Variants in CABYR observed in about 807,000 individuals in gnomAD.
CABYR encodes the protein calcium-binding tyrosine phosphorylation-regulated protein.
CABYR carries 31 observed loss-of-function variants against 36.1 expected under a neutral mutation model. The ratio of observed to expected loss-of-function variants is 0.86; its 90% CI spans 0.64 to 1.16. The LOEUF (loss-of-function observed/expected upper bound fraction) is 1.16, where lower values mean the gene tolerates loss of function less well. CABYR is among the 50% of genes most tolerant of loss of function. The pLI, the probability that CABYR is intolerant of heterozygous loss-of-function variation, is 0.00. For missense variants in CABYR, 429 were observed against 455.8 expected, an observed-to-expected ratio of 0.94 and a Z score of 0.53; for synonymous variants, 146 against 160.7, an observed-to-expected ratio of 0.91 and a Z score of 0.69.
rs752518129 is a variant in CABYR, at chr18:24,156,449, A to G, written c.541+407A>G. On this transcript the variant is annotated intron_variant, in intron 4 of 5. Transcript: ENST00000399496. ...ATATCGAGCAACTGCCAGAACAAAT[A>G]GTTATCCCTTTTACTGATCAAGTTG... 2 of 1,614,108 alleles carry G rather than the reference A, an allele frequency of 1.2e-6. No homozygotes were observed. The highest frequency in any genetic ancestry group is 1.7e-6 in the Non-Finnish European group (2 of 1,180,042).
chr18:24,143,315 G>T (rs1357492599), intron 2 of CABYR, 45 bp from the exon 3 acceptor site: 1 of 1,596,504 alleles, frequency 6.3e-7, no homozygotes, highest in Non-Finnish European at 8.6e-7. Flanking sequence ...TTTAAGTTAG[G>T]AATTTCATGT....
At chr18:24,156,731 A>C in intron 4 of CABYR, 1 of 1,614,198 alleles carries the variant, frequency 6.2e-7, no homozygotes, top group Non-Finnish European at 8.5e-7. Context: ...GTGCTATCAA[A>C]ATAGGCTCTG....
rs9960315 is a variant in CABYR at position 24,147,272 on chromosome 18, A to G, written c.199+3859A>G. Reference sequence around the variant, plus strand: ...TGTCTCAAAAAAAAAAAAAAAAAAAAGCCTATAGGCAAGTGAGGAATACAA... The same window carrying G: ...TGTCTCAAAAAAAAAAAAAAAAAAAGGCCTATAGGCAAGTGAGGAATACAA... On this transcript the variant is annotated intron_variant, in intron 3 of 5. Coordinates refer to ENST00000399496, the MANE Select transcript of CABYR (RefSeq NM_153769.3). 2.2e-3 allele frequency among the ~76,000 whole-genome samples: 298 copies of G among 137,504 alleles called. 4 individuals are homozygous for G. Among genetic ancestry groups the G allele is most frequent in the East Asian group, 6.3e-3 (30 of 4,784 alleles). 90.2% of individuals were successfully genotyped at this position (137,504 alleles called of 152,430 possible). A position where few individuals can be genotyped will look rare whatever the true frequency, so the allele number is the denominator to read the frequency against.
chr18:24,150,164 A>G (rs2085583081), intron 3 of CABYR, among the ~76,000 whole-genome samples: 1 of 152,254 alleles, frequency 6.6e-6, no homozygotes, highest in South Asian at 2.1e-4. Context: ...GGGAAGGACA[A>G]AGCCAAAGAG....
chr18:24,156,984 G>A (rs545152652), intron 4 of CABYR: 2 of 1,600,568 alleles, frequency 1.2e-6, no homozygotes, highest in African/African-American at 2.7e-5. Flanking sequence ...AGCTGAATAA[G>A]GTTTGATGAA....
intron 3 of CABYR, among the ~76,000 whole-genome samples, chr18:24,147,661 G>C (rs1384737017): frequency 6.6e-6 from 1 of 151,896 alleles, no homozygotes; most frequent in Non-Finnish European, 1.5e-5. Context: ...AAAAAGTACA[G>C]ATACATTATC....
intron 3 of CABYR, among the ~76,000 whole-genome samples, chr18:24,153,679 C>T (rs1355693386): frequency 6.6e-6 from 1 of 152,166 alleles, no homozygotes; most frequent in Non-Finnish European, 1.5e-5. Context: ...CAGCTCTCTG[C>T]TGGACTCAAG....
chr18:24,149,003 G>C (rs2085532551), intron 3 of CABYR, among the ~76,000 whole-genome samples: 1 of 152,174 alleles, frequency 6.6e-6, no homozygotes, highest in African/African-American at 2.4e-5. Flanking sequence ...ACATCCTGCT[G>C]ATTGGTAGAG....
intron 4 of CABYR, 78 bp from the exon 5 acceptor site, chr18:24,159,394 G>GACTT (rs2085885415): frequency 1.0e-6 from 1 of 953,024 alleles, no homozygotes; most frequent in Non-Finnish European, 1.6e-6. Flanking sequence ...ATGTAAAAGA[G>GACTT]ACTTACAAAG....
intron 3 of CABYR, among the ~76,000 whole-genome samples, chr18:24,145,238 T>C (rs760633284): frequency 2.6e-5 from 4 of 152,182 alleles, no homozygotes; most frequent in Non-Finnish European, 5.9e-5. Flanking sequence ...TAGGTGAAAT[T>C]CAGCAGAGAG....
intron 1 of CABYR, among the ~76,000 whole-genome samples, chr18:24,141,677 A>C (rs1452846018): frequency 6.6e-6 from 1 of 152,052 alleles, no homozygotes; most frequent in Non-Finnish European, 1.5e-5. Flanking sequence ...GATTTTCTTA[A>C]ATATTTAATT....
intron 5 of CABYR, 64 bp from the exon 6 acceptor site, chr18:24,161,452 C>T: frequency 1.3e-6 from 1 of 773,638 alleles, no homozygotes; most frequent in East Asian, 2.4e-5. Context: ...ATCTTCTGCT[C>T]ATTTCACATG....
chr18:24,147,612 T>C (rs1442336943), intron 3 of CABYR, among the ~76,000 whole-genome samples: 1 of 152,038 alleles, frequency 6.6e-6, no homozygotes, highest in African/African-American at 2.4e-5. Context: ...GGAGAGGGTA[T>C]ATGGGACACA....
At chr18:24,140,969 C>T (rs1365774519) in intron 1 of CABYR, among the ~76,000 whole-genome samples, 1 of 152,100 alleles carries the variant, frequency 6.6e-6, no homozygotes, top group African/African-American at 2.4e-5. Context: ...AGGTTGCTTC[C>T]AAATCTTAGC....
intron 3 of CABYR, among the ~76,000 whole-genome samples, chr18:24,145,749 A>C (rs2085444586): frequency 6.6e-6 from 1 of 152,200 alleles, no homozygotes; most frequent in South Asian, 2.1e-4. Context: ...AGCCAAAAAT[A>C]AGAGATTTTT....
chr18:24,157,436 ATGG>A (rs1326385568), intron 4 of CABYR, among the ~76,000 whole-genome samples: 2 of 152,188 alleles, frequency 1.3e-5, no homozygotes, highest in Non-Finnish European at 2.9e-5. Flanking sequence ...AAGTGAAAAA[ATGG>A]TGGTGTGTTT....
At chr18:24,150,908 T>C (rs2085613936) in intron 3 of CABYR, among the ~76,000 whole-genome samples, 1 of 151,616 alleles carries the variant, frequency 6.6e-6, no homozygotes, top group African/African-American at 2.4e-5. Context: ...GCCTCCCGAA[T>C]AGCTGGGACT....
chr18:24,157,889 C>G (rs1474485286), intron 4 of CABYR, among the ~76,000 whole-genome samples: 2 of 152,318 alleles, frequency 1.3e-5, no homozygotes, highest in African/African-American at 4.8e-5. Flanking sequence ...CCCCCCATTC[C>G]TTTTGCAAAA....
chr18:24,154,872 A>G (rs752798), intron 3 of CABYR, among the ~76,000 whole-genome samples: 3 of 151,998 alleles, frequency 2.0e-5, no homozygotes, highest in Non-Finnish European at 4.4e-5. Flanking sequence ...GATTCACTTA[A>G]GGCTACACTT....
Sources: gnomAD v4.1 joint callset for allele counts (sites outside exome capture counted in the v4.1 genomes callset) on GRCh38, gnomAD v4.1.1 for gene constraint, MANE v1.5 for transcripts, NCBI Gene and HGNC (gene_info 2026-07-23, HGNC 2026-07-21) for gene names.